RGS6: variants seen among roughly 807,000 people sequenced by gnomAD.
RGS6 encodes the protein regulator of G-protein signaling 6.
Under a neutral mutation model 78.5 loss-of-function variants are expected in RGS6, and 30 were observed. The ratio of observed to expected loss-of-function variants is 0.38; its 90% CI spans 0.29 to 0.52. The LOEUF (loss-of-function observed/expected upper bound fraction) is 0.52, where lower values mean the gene tolerates loss of function less well. RGS6 is among the 20% of genes least tolerant of loss of function. The pLI is 0.85. For synonymous variants in RGS6, 206 were observed against 206.0 expected (o/e 1.00, Z 0.00); for missense variants, 495 against 609.7 (o/e 0.81, Z 1.98).
At chr14:72,047,903 T>G (rs966537464) in intron 2 of RGS6, among the ~76,000 whole-genome samples, 13 of 146,956 alleles carry the variant, frequency 8.8e-5, no homozygotes, top group Non-Finnish European at 1.8e-4. Context: ...TTTTTGTTTT[T>G]TTTTTTTTTT....
intron 17 of RGS6, among the ~76,000 whole-genome samples, chr14:72,557,091 T>C (rs1245617535): frequency 6.6e-6 from 1 of 152,196 alleles, no homozygotes; most frequent in Non-Finnish European, 1.5e-5. Flanking sequence ...TGGCCTCTCT[T>C]CCTTCCCATG....
Position 72,455,432 on chromosome 14 carries a change from C to T in RGS6, c.235+854C>T, listed in dbSNP as rs186036677. ...GTGCCCATTCTGCATCCGTGACCTT[C>T]AGCTGTGAGTCCCTGCTGGAATCGG... On this transcript the variant is annotated intron_variant, in intron 4 of 17. Transcript: ENST00000553525. 9.4e-4 allele frequency among the ~76,000 whole-genome samples: 143 copies of T among 152,318 alleles called. 3 individuals are homozygous for T. The highest frequency in any genetic ancestry group is 9.3e-3 in the Admixed American group (143 of 15,308).
At chr14:72,319,286 T>C (rs767226172) in intron 2 of RGS6, among the ~76,000 whole-genome samples, 7 of 151,440 alleles carry the variant, frequency 4.6e-5, no homozygotes, top group Non-Finnish European at 7.4e-5. Flanking sequence ...TCAGGGGTAA[T>C]ATGGTGACGT....
At chr14:72,000,715 A>C (rs1418129891) in intron 2 of RGS6, among the ~76,000 whole-genome samples, 1 of 152,172 alleles carries the variant, frequency 6.6e-6, no homozygotes, top group African/African-American at 2.4e-5. Flanking sequence ...ATTTCCAGAA[A>C]AAGAAAGAGC....
chr14:72,462,936 T>C (rs1032904113), intron 6 of RGS6, among the ~76,000 whole-genome samples: 9 of 152,166 alleles, frequency 5.9e-5, no homozygotes, highest in African/African-American at 2.2e-4. Context: ...GTTTAGGAGA[T>C]TGAGGTACAT....
the RGS6 span, among the ~76,000 whole-genome samples, chr14:71,923,160 A>G: frequency 6.6e-6 from 1 of 152,194 alleles, no homozygotes; most frequent in African/African-American, 2.4e-5. Context: ...AGCTTAGTCT[A>G]ATGAAGATCC....
chr14:72,178,432 C>T (rs943698717), intron 2 of RGS6, among the ~76,000 whole-genome samples: 9 of 152,240 alleles, frequency 5.9e-5, no homozygotes, highest in Non-Finnish European at 1.2e-4. Context: ...TATCCTGAGA[C>T]GTTCTAGGCC....
intron 2 of RGS6, among the ~76,000 whole-genome samples, chr14:72,231,702 A>G (rs931359405): frequency 2.2e-4 from 33 of 152,244 alleles, no homozygotes; most frequent in African/African-American, 7.7e-4. Flanking sequence ...ATAAAGTGAC[A>G]TTTAAACAGG....
At chr14:72,150,894 T>C (rs2096675565) in intron 2 of RGS6, among the ~76,000 whole-genome samples, 1 of 152,196 alleles carries the variant, frequency 6.6e-6, no homozygotes, top group East Asian at 1.9e-4. Context: ...AATATGGGTG[T>C]TGGTTTGCCA....
chr14:72,428,108 G>GCCAGAGAACAGATGTT (rs2094498719), intron 3 of RGS6, among the ~76,000 whole-genome samples: 1 of 152,172 alleles, frequency 6.6e-6, no homozygotes, highest in South Asian at 2.1e-4. Context: ...CACCAATGGA[G>GCCAGAGAACAGATGTT]CCAGAGAACA....
At position 72,110,891 on chromosome 14, in the gene RGS6, C is replaced by G. The variant is rs1047381618; in HGVS notation, c.84+146016C>G. ...CACCTACATCTTTGTCTAGTCACAC[C>G]TAGCAGCCTCTGACCTTGCTCTCCT... On this transcript the variant is annotated intron_variant, in intron 2 of 17. Transcript: ENST00000553525. Among the ~76,000 whole-genome samples, 8 of 152,252 alleles carry G rather than the reference C, an allele frequency of 5.3e-5. No individual in the cohort carries two copies. The South Asian group carries it at 1.7e-3, about 32-fold the overall frequency.
chr14:72,172,193 T>G (rs1483601496), intron 2 of RGS6, among the ~76,000 whole-genome samples: 1 of 151,904 alleles, frequency 6.6e-6, no homozygotes. Context: ...AATCAAGAAC[T>G]GTGACGATTT....
chr14:72,463,218 G>A (rs2095825318), intron 6 of RGS6, among the ~76,000 whole-genome samples: 1 of 152,200 alleles, frequency 6.6e-6, no homozygotes, highest in South Asian at 2.1e-4. Flanking sequence ...TTTTCGGTAA[G>A]AAATTAAATA....
intron 2 of RGS6, among the ~76,000 whole-genome samples, chr14:71,972,652 G>A (rs146224266): frequency 2.6e-5 from 4 of 152,208 alleles, no homozygotes; most frequent in East Asian, 1.9e-4. Context: ...GGAAGGGTTC[G>A]GTGTGGAGGG....
chr14:72,189,637 G>A lies in RGS6; in HGVS notation c.85-162458G>A, dbSNP rs182235663. On this transcript the variant is annotated intron_variant, in intron 2 of 17. Transcript: ENST00000553525. Reference sequence around the variant, plus strand: ...ATTACATACCTAGCTGTAAGTAGATGCTAGCTCTGAAGAATAGATTTTCGG... The same window carrying A: ...ATTACATACCTAGCTGTAAGTAGATACTAGCTCTGAAGAATAGATTTTCGG... 4.2e-4 allele frequency among the ~76,000 whole-genome samples: 64 copies of A among 152,230 alleles called. 1 individual carries two copies. In the East Asian group the frequency reaches 0.012, roughly 28 times the overall value.
chr14:72,052,937 C>CT (rs1407602033), intron 2 of RGS6, among the ~76,000 whole-genome samples: 1 of 28,350 alleles, frequency 3.5e-5, no homozygotes, highest in Non-Finnish European at 5.7e-5. Context: ...TTCTTTCTTT[C>CT]TTTCTTTCTT....
the RGS6 span, among the ~76,000 whole-genome samples, chr14:72,618,491 G>A: frequency 6.6e-6 from 1 of 152,148 alleles, no homozygotes; most frequent in African/African-American, 2.4e-5. Flanking sequence ...GGCCATGACT[G>A]GTCTCACCTA....
chr14:72,611,089 G>GC, the RGS6 span, among the ~76,000 whole-genome samples: 4 of 152,020 alleles, frequency 2.6e-5, no homozygotes, highest in African/African-American at 4.8e-5. Flanking sequence ...GCCATCCAGG[G>GC]CCCCAGAGGA....
At chr14:72,200,777 T>C (rs1234145987) in intron 2 of RGS6, among the ~76,000 whole-genome samples, 3 of 152,002 alleles carry the variant, frequency 2.0e-5, no homozygotes, top group East Asian at 3.9e-4. Context: ...GGTCGACTTA[T>C]TTAGGGAACA....
Sources: gnomAD v4.1 joint callset for allele counts (sites outside exome capture counted in the v4.1 genomes callset) on GRCh38, gnomAD v4.1.1 for gene constraint, MANE v1.5 for transcripts, NCBI Gene and HGNC (gene_info 2026-07-23, HGNC 2026-07-21) for gene names.